The following DMD variants were observed in gnomAD, a reference collection of about 807,000 sequenced individuals.
The protein encoded by DMD is mutant dystrophin.
In DMD, 63 loss-of-function variants were observed where a neutral mutation model predicts 330.1. That is an observed-to-expected ratio of 0.19 (90% CI 0.16 to 0.24). The LOEUF (loss-of-function observed/expected upper bound fraction) is 0.24, where lower values mean the gene tolerates loss of function less well. DMD is among the 10% of genes least tolerant of loss of function. DMD has a pLI of 1.00. For missense variants in DMD, 3,344 were observed against 2,684.1 expected (o/e 1.25, Z -5.43); for synonymous variants, 1,223 against 959.8 (o/e 1.27, Z -5.07).
chrX:31,881,288 C>T (rs1263333659), intron 47 of DMD, among the ~76,000 whole-genome samples: 1 of 109,356 alleles, frequency 9.1e-6, no homozygotes, highest in Non-Finnish European at 1.9e-5. Flanking sequence ...CGCGGTGGCT[C>T]ACGCCTGTAA....
At chrX:32,331,596 T>A (rs1429062696) in intron 41 of DMD, among the ~76,000 whole-genome samples, 1 of 111,614 alleles carries the variant, frequency 9.0e-6, no homozygotes, top group Non-Finnish European at 1.9e-5. Flanking sequence ...TTATGTTTAT[T>A]AATATATTTG....
chrX:31,856,249 T>C (rs1413476647), intron 48 of DMD, among the ~76,000 whole-genome samples: 1 of 111,898 alleles, frequency 8.9e-6, no homozygotes, highest in Non-Finnish European at 1.9e-5. Flanking sequence ...TTGCTGCTGG[T>C]GGAAAAGCAA....
intron 51 of DMD, among the ~76,000 whole-genome samples, chrX:31,765,057 T>C (rs757726481): frequency 9.0e-6 from 1 of 110,725 alleles, no homozygotes; most frequent in African/African-American, 3.3e-5. Flanking sequence ...TTGCTTTTTT[T>C]TTTTCAAAAA....
intron 27 of DMD, among the ~76,000 whole-genome samples, chrX:32,445,742 G>A (rs2098300845): frequency 9.1e-6 from 1 of 110,460 alleles, no homozygotes; most frequent in Admixed American, 9.7e-5. Context: ...ATCTGTTTAA[G>A]TTGTTTAAAG....
At chrX:32,229,616 A>G (rs2097160329) in intron 43 of DMD, among the ~76,000 whole-genome samples, 1 of 94,108 alleles carries the variant, frequency 1.1e-5, no homozygotes, top group Non-Finnish European at 2.1e-5. Flanking sequence ...TTAATGAAGT[A>G]TGATTGACAT....
At chrX:32,563,122 C>A (rs1018469390) in intron 16 of DMD, among the ~76,000 whole-genome samples, 3 of 110,105 alleles carry the variant, frequency 2.7e-5, no homozygotes, top group Non-Finnish European at 5.7e-5. Flanking sequence ...GGGAGGATCA[C>A]AAGGTCAGGA....
intron 60 of DMD, among the ~76,000 whole-genome samples, chrX:31,417,638 T>C (rs1008190807): frequency 9.0e-6 from 1 of 111,331 alleles, no homozygotes; most frequent in Non-Finnish European, 1.9e-5. Flanking sequence ...CTTCTGATAG[T>C]ACTGCAATAT....
intron 60 of DMD, among the ~76,000 whole-genome samples, chrX:31,384,544 A>G (rs1025907700): frequency 8.9e-6 from 1 of 111,883 alleles, no homozygotes; most frequent in African/African-American, 3.2e-5. Context: ...TTTTTGAGGA[A>G]AGAAATGACA....
At chrX:31,889,181 G>A (rs1189003768) in intron 47 of DMD, among the ~76,000 whole-genome samples, 1 of 112,004 alleles carries the variant, frequency 8.9e-6, no homozygotes, top group Admixed American at 9.5e-5. Context: ...GCAGTCCTTG[G>A]AGAACTCTGC....
At chrX:32,176,195 T>C (rs754545325) in intron 44 of DMD, among the ~76,000 whole-genome samples, 1 of 112,202 alleles carries the variant, frequency 8.9e-6, no homozygotes, top group Admixed American at 9.4e-5. Context: ...TCAAGATTTT[T>C]CTCTTTTTTA....
chrX:32,811,149 C>T (rs1224926743), intron 6 of DMD, among the ~76,000 whole-genome samples: 3 of 102,317 alleles, frequency 2.9e-5, no homozygotes, highest in Non-Finnish European at 5.9e-5. Context: ...ACCTGAACCA[C>T]ATAGTGAGAC....
At position 31,702,412 on chromosome X, in the gene DMD, C is replaced by G. The variant is rs756312463; in HGVS notation, c.7661-22826G>C. Among the ~76,000 whole-genome samples, 6 of 112,148 alleles carry G rather than the reference C, an allele frequency of 5.4e-5. No homozygotes were observed. The South Asian group carries it at 2.2e-3, about 42-fold the overall frequency. The stretch of plus-strand genomic sequence containing the variant: ...GGATTACATCATCTTCATTCTTCCT[C>G]TCCCCTAATCACTGATACACATCTG... On this transcript the variant is annotated intron_variant, in intron 52 of 78. Coordinates refer to ENST00000357033, the MANE Select transcript of DMD (RefSeq NM_004006.3).
chrX:31,723,043 T>C (rs1450107111), intron 52 of DMD, among the ~76,000 whole-genome samples: 1 of 105,465 alleles, frequency 9.5e-6, no homozygotes, highest in Non-Finnish European at 1.9e-5. Context: ...CAGGACTCTG[T>C]CTCAAAAAAA....
chrX:32,730,244 G>A (rs1031589070), intron 7 of DMD, among the ~76,000 whole-genome samples: 1 of 112,321 alleles, frequency 8.9e-6, no homozygotes, highest in African/African-American at 3.2e-5. Flanking sequence ...TACTCAGGAG[G>A]CTGAGCTAGA....
intron 51 of DMD, among the ~76,000 whole-genome samples, chrX:31,758,471 A>C (rs975341624): frequency 4.5e-5 from 5 of 111,225 alleles, no homozygotes; most frequent in Admixed American, 3.9e-4. Flanking sequence ...GAAAAATTTG[A>C]ATCTATTAAG....
intron 1 of DMD, among the ~76,000 whole-genome samples, chrX:33,101,611 A>G (rs2095240308): frequency 9.0e-6 from 1 of 111,597 alleles, no homozygotes; most frequent in African/African-American, 3.3e-5. Context: ...AGCCTGGGCA[A>G]CAGAGCAAGA....
chrX:31,972,866 T>C (rs968636864), intron 44 of DMD, among the ~76,000 whole-genome samples: 1 of 111,612 alleles, frequency 9.0e-6, no homozygotes, highest in African/African-American at 3.3e-5. Flanking sequence ...TTTATCTTGT[T>C]TTTTTATCCT....
chrX:31,465,530 T>C (rs1397304568), intron 59 of DMD, among the ~76,000 whole-genome samples: 1 of 108,087 alleles, frequency 9.3e-6, no homozygotes, highest in Admixed American at 9.9e-5. Flanking sequence ...GCCAAGGACA[T>C]GAACTCATCC....
At chrX:32,501,619 T>G (rs1199285260) in intron 19 of DMD, 136 bp downstream of exon 19, 1 of 508,969 alleles carries the variant, frequency 2.0e-6, no homozygotes, top group Non-Finnish European at 3.3e-6. Flanking sequence ...AAAAGAATAA[T>G]AAAAAACATA....
Sources: allele counts gnomAD v4.1 joint callset (sites outside exome capture counted in the v4.1 genomes callset), GRCh38; gene constraint gnomAD v4.1.1; transcripts MANE v1.5; gene names NCBI Gene and HGNC (gene_info 2026-07-23, HGNC 2026-07-21).